SIAH3: variants seen among roughly 807,000 people sequenced by gnomAD.
SIAH3 encodes seven in absentia homolog 3.
Under a neutral mutation model 12.6 loss-of-function variants are expected in SIAH3, and 9 were observed. That is an observed-to-expected ratio of 0.72 (90% CI 0.43 to 1.25). The LOEUF is 1.25. Ranked by LOEUF, SIAH3 falls within the 50% of genes most tolerant of loss-of-function variation. The pLI is 0.00. For synonymous variants in SIAH3, 154 were observed against 151.1 expected (o/e 1.02, Z -0.14); for missense variants, 390 against 365.4 (o/e 1.07, Z -0.55).
At chr13:45,804,963 AACACACACAC>A (rs56315825) in intron 1 of SIAH3, among the ~76,000 whole-genome samples, 12,340 of 135,854 alleles carry the variant, frequency 0.091, 553 homozygotes, top group South Asian at 0.14. Context: ...TCCCATTTAT[AACACACACAC>A]ACACACACAC....
chr13:45,831,713 G>T (rs1310812968), intron 1 of SIAH3, among the ~76,000 whole-genome samples: 1 of 152,146 alleles, frequency 6.6e-6, no homozygotes, highest in African/African-American at 2.4e-5. Context: ...GGAGGGAGGG[G>T]ACATGAGAAA....
Position 45,851,507 on chromosome 13 carries a change from T to A in SIAH3, c.123A>T (p.Thr41=), listed in dbSNP as rs1950781864. ...CACAGAGACTCACCTTTAGGTTGTG[T>A]GTGGGGTTGACGACACAGACAAGTT... is the stretch of plus-strand genomic sequence containing the variant. The part of the protein sequence containing the change: ...AGQLVCVVNP[T]HNLKYVSSRR... The change falls in exon 1 of 2, where the codon ACA becomes ACT. Residue 41 remains threonine (T), a synonymous_variant. Coordinates refer to ENST00000400405, the MANE Select transcript of SIAH3 (RefSeq NM_198849.3). 1.2e-6 allele frequency: 2 copies of A among 1,613,734 alleles called. No individual in the cohort carries two copies.
rs1456217394 is a variant in SIAH3 at position 45,783,034 on chromosome 13, C to G, written c.*349G>C. ...GAAGCCTCCTTTCAACCCCAACAGT[C>G]TGCTTGATGGTGTTTTGATCCTTTC... On this transcript the variant is annotated 3_prime_UTR_variant, in exon 2 of 2. Transcript: ENST00000400405. The G allele has an allele frequency of 6.3e-6, 1 of 159,168 alleles. No individual in the cohort carries two copies. The highest frequency in any genetic ancestry group is 2.4e-5 in the African/African-American group (1 of 41,750). 9.9% of individuals were successfully genotyped at this position (159,168 alleles called of 1,614,324 possible).
intron 1 of SIAH3, among the ~76,000 whole-genome samples, chr13:45,843,445 A>C (rs889742787): frequency 6.6e-6 from 1 of 152,144 alleles, no homozygotes; most frequent in Non-Finnish European, 1.5e-5. Context: ...GAAAAGAAGT[A>C]ATGCATAAGT....
At chr13:45,792,251 T>C (rs2137552116) in intron 1 of SIAH3, among the ~76,000 whole-genome samples, 1 of 152,096 alleles carries the variant, frequency 6.6e-6, no homozygotes, top group South Asian at 2.1e-4. Flanking sequence ...GGTGTTAGCT[T>C]GCCTTTGTAA....
chr13:45,816,907 G>A (rs899003477), intron 1 of SIAH3, among the ~76,000 whole-genome samples: 1 of 152,202 alleles, frequency 6.6e-6, no homozygotes, highest in Non-Finnish European at 1.5e-5. Flanking sequence ...AGGTACTAAT[G>A]TCATTGACAA....
chr13:45,820,675 C>T (rs1035561685), intron 1 of SIAH3, among the ~76,000 whole-genome samples: 1 of 152,108 alleles, frequency 6.6e-6, no homozygotes, highest in Non-Finnish European at 1.5e-5. Context: ...CACCAGCCTC[C>T]GAAATCCCCT....
chr13:45,846,757 A>G (rs1208161426), intron 1 of SIAH3, among the ~76,000 whole-genome samples: 1 of 152,158 alleles, frequency 6.6e-6, no homozygotes, highest in Non-Finnish European at 1.5e-5. Flanking sequence ...CTGCTGGATA[A>G]ATGCAGTACA....
chr13:45,829,604 G>A (rs1950691255), intron 1 of SIAH3, among the ~76,000 whole-genome samples: 1 of 152,094 alleles, frequency 6.6e-6, no homozygotes, highest in South Asian at 2.1e-4. Flanking sequence ...CCAAGACCCT[G>A]ACTCAAAAGA....
At chr13:45,802,720 C>T (rs1310055804) in intron 1 of SIAH3, among the ~76,000 whole-genome samples, 1 of 152,138 alleles carries the variant, frequency 6.6e-6, no homozygotes, top group Admixed American at 6.5e-5. Context: ...GGCAGGTTGC[C>T]ATCCCAAATT....
chr13:45,801,717 C>T (rs1950583085), intron 1 of SIAH3, among the ~76,000 whole-genome samples: 2 of 152,154 alleles, frequency 1.3e-5, no homozygotes, highest in South Asian at 4.2e-4. Context: ...ACCATCATTT[C>T]AGCATTTTAC....
intron 1 of SIAH3, among the ~76,000 whole-genome samples, chr13:45,796,937 G>A (rs939428078): frequency 2.0e-5 from 3 of 152,134 alleles, no homozygotes; most frequent in Non-Finnish European, 4.4e-5. Context: ...CTTAGGCTTG[G>A]GGGGCAGGGA....
intron 1 of SIAH3, among the ~76,000 whole-genome samples, chr13:45,803,838 C>T (rs1412776765): frequency 6.6e-6 from 1 of 151,980 alleles, no homozygotes; most frequent in Non-Finnish European, 1.5e-5. Context: ...TTTGGTGTGC[C>T]ACTGAAGGAT....
rs138247076 is a variant in SIAH3, at chr13:45,826,710, A to C, written c.135+24785T>G. 6.0e-3 allele frequency among the ~76,000 whole-genome samples: 906 copies of C among 152,184 alleles called. 12 individuals are homozygous for C. The highest frequency in any genetic ancestry group is 0.021 in the African/African-American group (859 of 41,502). Reference sequence around the variant, plus strand: ...TAAACATGAAAATCTGCTCTCTAGGAGTTTACAGTCCAGGAGGGAAGGTAG... The same window carrying C: ...TAAACATGAAAATCTGCTCTCTAGGCGTTTACAGTCCAGGAGGGAAGGTAG... On this transcript the variant is annotated intron_variant, in intron 1 of 1. Transcript: ENST00000400405.
At chr13:45,821,885 T>G (rs1950657005) in intron 1 of SIAH3, among the ~76,000 whole-genome samples, 1 of 152,234 alleles carries the variant, frequency 6.6e-6, no homozygotes, top group Non-Finnish European at 1.5e-5. Flanking sequence ...ATGTGCCCAG[T>G]TGATTTCTGC....
intron 1 of SIAH3, among the ~76,000 whole-genome samples, chr13:45,839,694 T>C (rs934816433): frequency 1.3e-5 from 2 of 151,592 alleles, no homozygotes; most frequent in Admixed American, 6.6e-5. Flanking sequence ...TAGCCGGGCG[T>C]GGTGGTACCT....
chr13:45,835,866 G>A (rs1375570848), intron 1 of SIAH3, among the ~76,000 whole-genome samples: 2 of 152,216 alleles, frequency 1.3e-5, no homozygotes. Flanking sequence ...CTTAGAGCAC[G>A]CTTTGGGAGA....
chr13:45,792,806 G>A (rs945732681), intron 1 of SIAH3, among the ~76,000 whole-genome samples: 4 of 152,178 alleles, frequency 2.6e-5, no homozygotes, highest in Admixed American at 2.0e-4. Flanking sequence ...AGGCAGACTT[G>A]TAGTCAAACC....
At chr13:45,791,710 G>C (rs1950546270) in intron 1 of SIAH3, among the ~76,000 whole-genome samples, 1 of 152,184 alleles carries the variant, frequency 6.6e-6, no homozygotes, top group South Asian at 2.1e-4. Flanking sequence ...AGAGGTACTT[G>C]CTTTGCTTTT....
Sources: allele counts gnomAD v4.1 joint callset (sites outside exome capture counted in the v4.1 genomes callset), GRCh38; gene constraint gnomAD v4.1.1; transcripts MANE v1.5; gene names NCBI Gene and HGNC (gene_info 2026-07-23, HGNC 2026-07-21).